The following ZNF521 variants were observed in gnomAD, a reference collection of about 807,000 sequenced individuals.
ZNF521 encodes LYST-interacting protein 3.
In ZNF521, 14 loss-of-function variants were observed where a neutral mutation model predicts 105.5. That is an observed-to-expected ratio of 0.13 (90% CI 0.09 to 0.21). ZNF521 has a LOEUF of 0.21. Among genes scored for constraint, ZNF521 ranks in the 10% least tolerant of loss-of-function variants. The probability of loss-of-function intolerance (pLI) is 1.00; values close to 1 mark genes in which losing one functional copy is unlikely to be tolerated. For synonymous variants in ZNF521, 635 were observed against 606.0 expected, an observed-to-expected ratio of 1.05 and a Z score of -0.70; for missense variants, 1,233 against 1,629.7, an observed-to-expected ratio of 0.76 and a Z score of 4.19.
rs150108500 is a variant in ZNF521, at chr18:25,099,633, AC to A, written c.3659-7553del. 5.5e-4 allele frequency among the ~76,000 whole-genome samples: 84 copies of A among 152,306 alleles called. No individual in the cohort carries two copies. The East Asian group carries it at 0.016, about 28-fold the overall frequency. On this transcript the variant is annotated intron_variant, in intron 5 of 7. Coordinates refer to ENST00000361524, the MANE Select transcript of ZNF521 (RefSeq NM_015461.3). ...TATACCGTACATCCATGACCAATAA[AC>A]AATTTTTATTAATTGTCTGTATTCT...
At chr18:25,239,003 C>T (rs929924491) in intron 3 of ZNF521, among the ~76,000 whole-genome samples, 15 of 152,160 alleles carry the variant, frequency 9.9e-5, no homozygotes, top group Non-Finnish European at 1.2e-4. Context: ...CTGCACTCAG[C>T]TGTGCCTTTC....
intron 5 of ZNF521, among the ~76,000 whole-genome samples, chr18:25,186,996 G>A (rs372893202): frequency 4.0e-5 from 6 of 151,864 alleles, no homozygotes; most frequent in Non-Finnish European, 8.8e-5. Context: ...TACGTTCCAT[G>A]TGGCTGCAAG....
At chr18:25,115,768 A>G (rs2034289448) in intron 5 of ZNF521, among the ~76,000 whole-genome samples, 2 of 152,166 alleles carry the variant, frequency 1.3e-5, no homozygotes, top group African/African-American at 2.4e-5. Flanking sequence ...TCAAGCCCCA[A>G]TCTCCTGTCT....
intron 4 of ZNF521, among the ~76,000 whole-genome samples, chr18:25,197,662 T>A (rs531353238): frequency 6.6e-6 from 1 of 151,900 alleles, no homozygotes; most frequent in Non-Finnish European, 1.5e-5. Flanking sequence ...GAATTCTTCC[T>A]AATTCTAGAC....
At chr18:25,238,992 G>A (rs1237864857) in intron 3 of ZNF521, among the ~76,000 whole-genome samples, 1 of 152,076 alleles carries the variant, frequency 6.6e-6, no homozygotes, top group Admixed American at 6.6e-5. Flanking sequence ...CTTGAAGTTT[G>A]CTGCACTCAG....
chr18:25,334,561 G>A (rs191640073), intron 2 of ZNF521, among the ~76,000 whole-genome samples: 57 of 152,234 alleles, frequency 3.7e-4, no homozygotes, highest in Admixed American at 1.8e-3. Flanking sequence ...TTAAACAGGT[G>A]CCCACACATA....
intron 4 of ZNF521, among the ~76,000 whole-genome samples, chr18:25,214,618 T>G (rs978100776): frequency 1.3e-5 from 2 of 152,214 alleles, no homozygotes; most frequent in Non-Finnish European, 2.9e-5. Context: ...ATTTTTAATT[T>G]CTATATTATG....
rs770697041 is a variant in ZNF521 at position 25,225,751 on chromosome 18, G to A, written c.2167C>T (p.Arg723Cys). The A allele has an allele frequency of 5.0e-6, 8 of 1,614,230 alleles. No homozygotes were observed. The highest frequency in any genetic ancestry group is 6.8e-6 in the Non-Finnish European group (8 of 1,180,026). ...AAAACTTCCTGGCAGAGGGTGCAGCGAAAGAAGACAAAGGTGTGCATGTCC... is the reference window on the plus strand; with the variant it reads ...AAAACTTCCTGGCAGAGGGTGCAGCAAAAGAAGACAAAGGTGTGCATGTCC... Reference protein sequence around the residue: ...LLDMHTFVFFRCTLCQEVFDS... With the variant: ...LLDMHTFVFFCCTLCQEVFDS... The change falls in exon 4 of 8, where the codon CGC (arginine) becomes TGC (cysteine). Residue 723 changes from arginine (R) to cysteine (C), a missense_variant. Physicochemically the swap from Arg to Cys is radical, Grantham distance 180. This residue lies in a region of ZNF521 where 614 missense variants were observed against 751.5 expected (regional missense o/e 0.82). Transcript: ENST00000361524. This position sits in a 1 kb window ranked among gnomAD's most constrained non-coding sequence, Gnocchi z 5.6.
At chr18:25,179,493 T>C (rs1441949585) in intron 5 of ZNF521, among the ~76,000 whole-genome samples, 1 of 152,108 alleles carries the variant, frequency 6.6e-6, no homozygotes. Context: ...TGCATGTGTG[T>C]ATATGTGTTT....
At chr18:25,258,767 G>A (rs1453174522) in intron 3 of ZNF521, among the ~76,000 whole-genome samples, 2 of 152,092 alleles carry the variant, frequency 1.3e-5, no homozygotes, top group African/African-American at 2.4e-5. Flanking sequence ...CTGGAGACAC[G>A]TGGCCTCTCT....
intron 5 of ZNF521, among the ~76,000 whole-genome samples, chr18:25,092,584 T>C (rs1370784486): frequency 4.6e-5 from 7 of 152,230 alleles, no homozygotes; most frequent in African/African-American, 1.4e-4. Flanking sequence ...GTATCATTAA[T>C]AGGACAGTCT....
In ZNF521 at chr18:25,064,751, G is replaced by T. The variant is rs577214525; in HGVS notation, c.3907-2010C>A. On this transcript the variant is annotated intron_variant, in intron 7 of 7. Transcript: ENST00000361524. ...TGGGGCTGCGTGCAGAAGTTGGCGGGGGGCTGGGAGCCTTGTGAAGAGGAC... is the reference window on the plus strand; with the variant it reads ...TGGGGCTGCGTGCAGAAGTTGGCGGTGGGCTGGGAGCCTTGTGAAGAGGAC... 1.7e-4 allele frequency among the ~76,000 whole-genome samples: 26 copies of T among 152,308 alleles called. No individual in the cohort carries two copies. In the East Asian group the frequency reaches 4.8e-3, roughly 28 times the overall value.
At chr18:25,319,826 G>A (rs1912840857) in intron 3 of ZNF521, among the ~76,000 whole-genome samples, 1 of 152,090 alleles carries the variant, frequency 6.6e-6, no homozygotes, top group Admixed American at 6.6e-5. Flanking sequence ...CACTGAGAAG[G>A]GTGCAATATC....
intron 5 of ZNF521, among the ~76,000 whole-genome samples, chr18:25,166,560 T>C (rs149012094): frequency 1.4e-4 from 22 of 152,330 alleles, no homozygotes; most frequent in Admixed American, 6.5e-4. Flanking sequence ...ACTGACGTAA[T>C]AGAAATACAC....
At chr18:25,113,792 A>ACACACACACACACACACACACACACG (rs2034248367) in intron 5 of ZNF521, among the ~76,000 whole-genome samples, 1 of 151,492 alleles carries the variant, frequency 6.6e-6, no homozygotes, top group Non-Finnish European at 1.5e-5. Flanking sequence ...ACACACACAC[A>ACACACACACACACACACACACACACG]CAGAGACGGG....
intron 5 of ZNF521, among the ~76,000 whole-genome samples, chr18:25,137,809 G>T (rs184744656): frequency 2.3e-3 from 347 of 152,254 alleles, no homozygotes; most frequent in African/African-American, 8.1e-3. Context: ...GAAAATAAGA[G>T]ACTTCCATGT....
At chr18:25,260,868 T>C (rs1908860489) in intron 3 of ZNF521, among the ~76,000 whole-genome samples, 1 of 152,076 alleles carries the variant, frequency 6.6e-6, no homozygotes, top group Non-Finnish European at 1.5e-5. Context: ...AGAAGGAAAA[T>C]ATAGGTCACC....
intron 3 of ZNF521, among the ~76,000 whole-genome samples, chr18:25,289,232 A>G (rs1910874328): frequency 6.6e-6 from 1 of 152,246 alleles, no homozygotes; most frequent in African/African-American, 2.4e-5. Flanking sequence ...TCGGTTATGA[A>G]TCATCCTTAC....
At chr18:25,127,400 T>G (rs1210089205) in intron 5 of ZNF521, among the ~76,000 whole-genome samples, 1 of 151,846 alleles carries the variant, frequency 6.6e-6, no homozygotes, top group East Asian at 1.9e-4. Flanking sequence ...ATGCCCAGCA[T>G]AGATCTACAT....
Sources: gnomAD v4.1 joint callset for allele counts (sites outside exome capture counted in the v4.1 genomes callset) on GRCh38, gnomAD v4.1.1 for gene constraint, gnomAD v4.1.1 regional missense constraint, Gnocchi (gnomAD v3.1) non-coding constraint, MANE v1.5 for transcripts, NCBI Gene and HGNC (gene_info 2026-07-23, HGNC 2026-07-21) for gene names.